TMEM164: variants seen among roughly 807,000 people sequenced by gnomAD.
TMEM164 encodes the protein RP13-360B22.2.
TMEM164 carries 4 observed loss-of-function variants against 18.8 expected under a neutral mutation model. The observed-to-expected ratio is 0.21, with a 90% CI of 0.10 to 0.49. The LOEUF is 0.49. Ranked by LOEUF, TMEM164 falls within the 20% of genes least tolerant of loss-of-function variation. The probability of loss-of-function intolerance (pLI) is 0.98; values close to 1 mark genes in which losing one functional copy is unlikely to be tolerated. For synonymous variants in TMEM164, 86 were observed against 101.7 expected (o/e 0.85, Z 0.93); for missense variants, 108 against 239.9 (o/e 0.45, Z 3.63).
intron 4 of TMEM164, among the ~76,000 whole-genome samples, chrX:110,112,991 G>T (rs1178883773): frequency 9.0e-6 from 1 of 110,709 alleles, no homozygotes; most frequent in Non-Finnish European, 1.9e-5. Flanking sequence ...ACCCTACATA[G>T]AAACCATTGT....
Position 110,172,354 on chromosome X carries a change from G to A in TMEM164, c.687+834G>A, listed in dbSNP as rs749905965. Among the ~76,000 whole-genome samples the A allele has an allele frequency of 2.7e-5, 3 of 112,220 alleles. No individual in the cohort carries two copies. In the South Asian group the frequency reaches 1.1e-3, roughly 41 times the overall value. On this transcript the variant is annotated intron_variant, in intron 6 of 6. Transcript: ENST00000372068. Reference sequence around the variant, plus strand: ...CGCATGTCTGGTTTTGTGTGCAAGTGGCAGTAATGTAGCATTAGCCATGTG... The same window carrying A: ...CGCATGTCTGGTTTTGTGTGCAAGTAGCAGTAATGTAGCATTAGCCATGTG...
chrX:110,089,351 C>T (rs1435006447), intron 3 of TMEM164, among the ~76,000 whole-genome samples: 1 of 111,118 alleles, frequency 9.0e-6, no homozygotes, highest in Non-Finnish European at 1.9e-5. Context: ...GCACTGCCAC[C>T]ACACCCGGCT....
chrX:110,165,155 T>G (rs1266193296), intron 5 of TMEM164, among the ~76,000 whole-genome samples: 2 of 112,811 alleles, frequency 1.8e-5, no homozygotes, highest in Admixed American at 1.9e-4. Flanking sequence ...AGTGCTTGCC[T>G]TTACTGTACC....
chrX:110,029,353 T>C (rs1045198582), intron 2 of TMEM164, among the ~76,000 whole-genome samples: 1 of 111,848 alleles, frequency 8.9e-6, no homozygotes, highest in Non-Finnish European at 1.9e-5. Context: ...TTTCAGACCC[T>C]TGGACTTTCT....
Position 110,175,625 on chromosome X carries a change from C to T in TMEM164, c.*2174C>T, listed in dbSNP as rs1427445459. ...AGAGAAGAAAGCAAAAGCCACATGC[C>T]TGGCATGGCCAAGCCAGAGACAGAT... On this transcript the variant is annotated 3_prime_UTR_variant, in exon 7 of 7. Coordinates refer to ENST00000372068, the MANE Select transcript of TMEM164 (RefSeq NM_032227.4). 1.9e-6 allele frequency: 1 copy of T among 518,524 alleles called. No homozygotes were observed. Among genetic ancestry groups the T allele is most frequent in the Non-Finnish European group, 2.4e-6 (1 of 423,651 alleles). The allele number at this position is 518,524 out of a possible 1,213,427, so 42.7% of individuals were successfully genotyped here.
intron 4 of TMEM164, 110 bp from the exon 5 acceptor site, chrX:110,144,688 C>A: frequency 2.2e-6 from 1 of 450,160 alleles, no homozygotes; most frequent in Non-Finnish European, 3.8e-6. Flanking sequence ...TGGTGAAATG[C>A]ATGGGATTGC....
chrX:110,006,329 C>T (rs1932710822), intron 2 of TMEM164, among the ~76,000 whole-genome samples: 1 of 111,440 alleles, frequency 9.0e-6, no homozygotes, highest in South Asian at 3.8e-4. Flanking sequence ...TGCTTGGGAA[C>T]TCATGCAGAG....
chrX:110,108,068 CTGTGTGTGTGTGTGTGTGTGTGTGTGTG>C (rs56714507), intron 3 of TMEM164, among the ~76,000 whole-genome samples: 21 of 46,373 alleles, frequency 4.5e-4, no homozygotes, highest in African/African-American at 1.4e-3. Flanking sequence ...AGGAGGTATG[CTGTGTGTGTGTGTGTGTGTGTGTGTGTG>C]TGTGTGTGTG....
chrX:110,123,601 A>C (rs1299523251), intron 4 of TMEM164, among the ~76,000 whole-genome samples: 1 of 112,110 alleles, frequency 8.9e-6, no homozygotes, highest in Admixed American at 9.5e-5. Flanking sequence ...CCTTTGGTTA[A>C]TGGACACTCT....
chrX:110,111,108 A>T (rs1191535888), intron 4 of TMEM164, among the ~76,000 whole-genome samples: 4 of 112,285 alleles, frequency 3.6e-5, no homozygotes, highest in Non-Finnish European at 7.5e-5. Context: ...GTGAGCTGGG[A>T]TCAGTAGGCA....
chrX:110,124,259 G>T lies in TMEM164; in HGVS notation c.507+15113G>T, dbSNP rs12401221. Among the ~76,000 whole-genome samples the T allele has an allele frequency of 2.7e-5, 3 of 110,771 alleles. No homozygotes were observed. The South Asian group carries it at 1.2e-3, about 43-fold the overall frequency. On this transcript the variant is annotated intron_variant, in intron 4 of 6. Coordinates refer to ENST00000372068, the MANE Select transcript of TMEM164 (RefSeq NM_032227.4). ...GGACGGAAAGAGGGAAGCAGGGAGG[G>T]AGGGAGAAAGGTACATCATAGTTAT...
chrX:110,103,601 G>A (rs1249176117), intron 3 of TMEM164, among the ~76,000 whole-genome samples: 2 of 109,390 alleles, frequency 1.8e-5, no homozygotes, highest in African/African-American at 6.7e-5. Flanking sequence ...GTGAGTACTT[G>A]CTGTCTCTAA....
At chrX:110,178,657 T>TAGC (rs1456144012), downstream of TMEM164, among the ~76,000 whole-genome samples, 1 of 112,096 alleles carries the variant, frequency 8.9e-6, no homozygotes, top group Non-Finnish European at 1.9e-5. Context: ...ACTAGAAGAT[T>TAGC]AGCAGCCTAG....
At chrX:110,071,447 A>G (rs891052839) in intron 3 of TMEM164, among the ~76,000 whole-genome samples, 2 of 110,658 alleles carry the variant, frequency 1.8e-5, no homozygotes, top group Non-Finnish European at 3.8e-5. Context: ...CTCTTACATT[A>G]TTGAAATACA....
intron 2 of TMEM164, among the ~76,000 whole-genome samples, chrX:110,041,693 C>T (rs950702015): frequency 7.1e-5 from 8 of 112,036 alleles, no homozygotes; most frequent in Non-Finnish European, 1.3e-4. Context: ...TTGTAACGAA[C>T]AAACGATCAG....
chrX:110,004,840 A>G (rs751838933), intron 2 of TMEM164, among the ~76,000 whole-genome samples: 2 of 111,958 alleles, frequency 1.8e-5, no homozygotes, highest in South Asian at 7.4e-4. Context: ...TCTCCATCCT[A>G]TTACTGTCAT....
chrX:110,131,887 A>G (rs2066617010), intron 4 of TMEM164, among the ~76,000 whole-genome samples: 1 of 112,108 alleles, frequency 8.9e-6, no homozygotes, highest in Admixed American at 9.4e-5. Flanking sequence ...TGAAGAAGTG[A>G]TAAATAAATT....
chrX:110,109,036 C>G (rs2066253521), intron 3 of TMEM164, 44 bp from the exon 4 acceptor site: 3 of 1,154,147 alleles, frequency 2.6e-6, no homozygotes, highest in South Asian at 1.8e-5. Context: ...CCCTTTGTAT[C>G]AGGGTCTGAG....
At chrX:110,033,468 G>A (rs909570802) in intron 2 of TMEM164, among the ~76,000 whole-genome samples, 1 of 112,025 alleles carries the variant, frequency 8.9e-6, no homozygotes, top group African/African-American at 3.3e-5. Context: ...CTGTGTTCAT[G>A]CCTGAGAGAA....
Sources: gnomAD v4.1 joint callset for allele counts (sites outside exome capture counted in the v4.1 genomes callset) on GRCh38, gnomAD v4.1.1 for gene constraint, MANE v1.5 for transcripts, NCBI Gene and HGNC (gene_info 2026-07-23, HGNC 2026-07-21) for gene names.